The following METAP1D variants were observed in gnomAD, a reference collection of about 807,000 sequenced individuals.
The protein encoded by METAP1D is methionine aminopeptidase 1D, mitochondrial.
In METAP1D, 31 loss-of-function variants were observed where a neutral mutation model predicts 40.5. The ratio of observed to expected loss-of-function variants is 0.77; its 90% CI spans 0.58 to 1.03. METAP1D has a LOEUF of 1.03. METAP1D is among the 50% of genes least tolerant of loss of function. The probability of loss-of-function intolerance (pLI) is 0.00; values close to 1 mark genes in which losing one functional copy is unlikely to be tolerated. For missense variants in METAP1D, 411 were observed against 420.7 expected, an observed-to-expected ratio of 0.98 and a Z score of 0.20; for synonymous variants, 151 against 146.4, an observed-to-expected ratio of 1.03 and a Z score of -0.22.
rs760221448 is a variant in METAP1D at position 172,066,276 on chromosome 2, G to A, written c.510G>A (p.Gln170=). The part of the protein sequence containing the change: ...CHGIPDSRPL[Q]DGDIINIDVT... ...GTTTACGTTTTAGTCGACCTCTTCA[G>A]GATGGAGATATTATCAACATTGATG... The change falls in exon 5 of 10, where the codon CAG becomes CAA. Residue 170 remains glutamine, a synonymous_variant. Transcript: ENST00000315796. The A allele has an allele frequency of 1.9e-6, 3 of 1,611,650 alleles. No individual in the cohort carries two copies. Among genetic ancestry groups the A allele is most frequent in the Admixed American group, 1.7e-5 (1 of 59,776 alleles).
At chr2:172,041,756 A>G (rs1574115140) in intron 1 of METAP1D, among the ~76,000 whole-genome samples, 1 of 93,842 alleles carries the variant, frequency 1.1e-5, no homozygotes, top group East Asian at 2.2e-4. Context: ...ATATATATAT[A>G]TATATATATA....
At chr2:172,025,484 A>G (rs981798457) in intron 1 of METAP1D, among the ~76,000 whole-genome samples, 2 of 151,976 alleles carry the variant, frequency 1.3e-5, no homozygotes, top group East Asian at 3.9e-4. Context: ...AAGTGCCACC[A>G]TACCTGGATA....
Position 172,028,542 on chromosome 2 carries a change from CTGTGTGTGTGTGTGTGTGTGTGTG to C in METAP1D, c.40+28563_40+28586del, listed in dbSNP as rs10529698. On this transcript the variant is annotated intron_variant, in intron 1 of 9. Transcript: ENST00000315796. ...CATGAGCAGACTTCTGTATGTGTGT[CTGTGTGTGTGTGTGTGTGTGTGTG>C]TGTGTGTGTGTGTGTGTGTGTGTGT... is the stretch of plus-strand genomic sequence containing the variant. Among the ~76,000 whole-genome samples the C allele has an allele frequency of 1.7e-3, 238 of 141,400 alleles. 2 individuals carry two copies. The East Asian group carries it at 0.027, about 16-fold the overall frequency. 92.8% of individuals were successfully genotyped at this position (141,400 alleles called of 152,430 possible). A position where few individuals can be genotyped will look rare whatever the true frequency, so the allele number is the denominator to read the frequency against.
intron 6 of METAP1D, among the ~76,000 whole-genome samples, chr2:172,073,635 G>T (rs566319923): frequency 6.6e-6 from 1 of 152,236 alleles, no homozygotes; most frequent in Non-Finnish European, 1.5e-5. Flanking sequence ...AAGGAAACTG[G>T]CCCCGATTCT....
At position 172,034,767 on chromosome 2, in the gene METAP1D, T is replaced by A. The variant is rs187288963; in HGVS notation, c.41-26731T>A. On this transcript the variant is annotated intron_variant, in intron 1 of 9. Coordinates refer to ENST00000315796, the MANE Select transcript of METAP1D (RefSeq NM_199227.3). ...ATAGAGTAATTATAAGACTTCATTT[T>A]AAAAAATTTGCAAATATAAATTTCT... Among the ~76,000 whole-genome samples, 649 of 152,308 alleles carry A rather than the reference T, an allele frequency of 4.3e-3. 4 individuals carry two copies. Among genetic ancestry groups the A allele is most frequent in the Non-Finnish European group, 6.7e-3 (453 of 68,026 alleles).
At chr2:172,032,961 A>G (rs1183755626) in intron 1 of METAP1D, among the ~76,000 whole-genome samples, 13 of 152,264 alleles carry the variant, frequency 8.5e-5, no homozygotes, top group Admixed American at 2.0e-4. Context: ...CGGGAGGCTG[A>G]GGCAGGAGAA....
At chr2:172,065,551 T>G (rs1006219109) in intron 3 of METAP1D, 53 bp from the exon 4 acceptor site, 1 of 1,587,872 alleles carries the variant, frequency 6.3e-7, no homozygotes, top group African/African-American at 1.3e-5. Flanking sequence ...AGTTGATAAA[T>G]ACAAGAAATG....
rs530149973 is a variant in METAP1D, at chr2:172,034,009, G to A, written c.41-27489G>A. On this transcript the variant is annotated intron_variant, in intron 1 of 9. Transcript: ENST00000315796. ...GGAAAATCACTTGAACCCAGGAGGC[G>A]GAGGTTGCGGCGAGTGGAGATCATG... Among the ~76,000 whole-genome samples the A allele has an allele frequency of 5.3e-5, 8 of 151,036 alleles. No homozygotes were observed. The South Asian group carries it at 6.3e-4, about 12-fold the overall frequency.
chr2:172,037,194 G>A (rs563429731), intron 1 of METAP1D, among the ~76,000 whole-genome samples: 7 of 152,144 alleles, frequency 4.6e-5, no homozygotes, highest in East Asian at 1.9e-4. Context: ...CCCGGGAGGC[G>A]GAGGTTGCTG....
intron 4 of METAP1D, 50 bp downstream of exon 4, chr2:172,065,802 G>T (rs1159333290): frequency 1.2e-5 from 19 of 1,562,104 alleles, no homozygotes; most frequent in Non-Finnish European, 1.6e-5. Context: ...AAAACATGAA[G>T]CTAAGATCTG....
At chr2:172,058,751 A>G (rs899678381) in intron 1 of METAP1D, among the ~76,000 whole-genome samples, 2 of 152,166 alleles carry the variant, frequency 1.3e-5, no homozygotes, top group Non-Finnish European at 2.9e-5. Context: ...TTAAAATAGT[A>G]CCAAAAACAC....
chr2:172,063,893 A>C lies in METAP1D; in HGVS notation c.348+33A>C, dbSNP rs762122022. The C allele has an allele frequency of 2.6e-6, 4 of 1,556,690 alleles. No homozygotes were observed. In the East Asian group the frequency reaches 7.0e-5, roughly 27 times the overall value. ...CTCACCAAGCCTCAGAACGACTTAC[A>C]TAAGGGGCAACAAACACTCCTCTTT... is the stretch of plus-strand genomic sequence containing the variant. On this transcript the variant is annotated intron_variant, in intron 3 of 9. Transcript: ENST00000315796.
Position 172,066,315 on chromosome 2 carries a change from A to C in METAP1D, c.540+9A>C, listed in dbSNP as rs1181674616. Reference sequence around the variant, plus strand: ...TCAACATTGATGTCACAGTGAGTAAATCATATAAAAAATTGTCTTTGATCA... The same window carrying C: ...TCAACATTGATGTCACAGTGAGTAACTCATATAAAAAATTGTCTTTGATCA... On this transcript the variant is annotated intron_variant, in intron 5 of 9. Transcript: ENST00000315796. 1 of 1,607,714 alleles carries C rather than the reference A, an allele frequency of 6.2e-7. No homozygotes were observed. Among genetic ancestry groups the C allele is most frequent in the Non-Finnish European group, 8.5e-7 (1 of 1,177,040 alleles).
At chr2:172,023,889 C>G (rs1689060866) in intron 1 of METAP1D, among the ~76,000 whole-genome samples, 1 of 144,590 alleles carries the variant, frequency 6.9e-6, no homozygotes, top group East Asian at 2.0e-4. Context: ...GAGTCTTGCT[C>G]TGTCACCCAG....
rs1689658313 is a variant in METAP1D, at chr2:172,043,113, ATATAT to A, written c.41-18383_41-18379del. ...TTTACATACATATATATATATATAT[ATATAT>A]TTTTTGGGATACAGGATCTCACTTT... On this transcript the variant is annotated intron_variant, in intron 1 of 9. Coordinates refer to ENST00000315796, the MANE Select transcript of METAP1D (RefSeq NM_199227.3). Among the ~76,000 whole-genome samples, 9 of 12,664 alleles carry A rather than the reference ATATAT, an allele frequency of 7.1e-4. 2 individuals are homozygous for A. In the East Asian group the frequency reaches 0.12, roughly 164 times the overall value. 8.3% of individuals were successfully genotyped at this position (12,664 alleles called of 152,430 possible).
At chr2:172,036,272 G>A (rs1226015124) in intron 1 of METAP1D, among the ~76,000 whole-genome samples, 5 of 148,520 alleles carry the variant, frequency 3.4e-5, no homozygotes, top group South Asian at 4.4e-4. Flanking sequence ...AGCCGAGATC[G>A]CGCCATTGCA....
chr2:172,078,029 AG>A (rs1225281749), intron 7 of METAP1D, 135 bp downstream of exon 7: 6 of 212,774 alleles, frequency 2.8e-5, no homozygotes, highest in Non-Finnish European at 5.9e-5. Flanking sequence ...TGCAGGGGGC[AG>A]GGGAGGGGGG....
intron 1 of METAP1D, among the ~76,000 whole-genome samples, chr2:172,017,011 T>C (rs1321526666): frequency 6.6e-6 from 1 of 152,124 alleles, no homozygotes; most frequent in Admixed American, 6.6e-5. Flanking sequence ...GCCTCAGATA[T>C]ATTCTGTCAT....
intron 1 of METAP1D, chr2:172,021,661 G>A (rs1284633564): frequency 6.6e-6 from 1 of 152,260 alleles, no homozygotes; most frequent in Non-Finnish European, 1.5e-5. Flanking sequence ...GCGGCTCAGG[G>A]GCTTGGCAGG....
Sources: allele counts gnomAD v4.1 joint callset (sites outside exome capture counted in the v4.1 genomes callset), GRCh38; gene constraint gnomAD v4.1.1; transcripts MANE v1.5; gene names NCBI Gene and HGNC (gene_info 2026-07-23, HGNC 2026-07-21).